Variants in ADGRB3 observed in about 807,000 individuals in gnomAD.
ADGRB3 encodes the protein adhesion G protein-coupled receptor B3.
ADGRB3 carries 37 observed loss-of-function variants against 193.4 expected under a neutral mutation model. The observed-to-expected ratio is 0.19, with a 90% confidence interval of 0.15 to 0.25. ADGRB3 has a LOEUF of 0.25. Among genes scored for constraint, ADGRB3 ranks in the 10% least tolerant of loss-of-function variants. The probability of loss-of-function intolerance (pLI) is 1.00; values close to 1 mark genes in which losing one functional copy is unlikely to be tolerated. For missense variants in ADGRB3, 1,637 were observed against 1,852.9 expected, an observed-to-expected ratio of 0.88 and a Z score of 2.14; for synonymous variants, 690 against 644.2, an observed-to-expected ratio of 1.07 and a Z score of -1.08.
At chr6:68,798,782 A>G (rs1177323320) in intron 3 of ADGRB3, among the ~76,000 whole-genome samples, 2 of 152,234 alleles carry the variant, frequency 1.3e-5, no homozygotes, top group African/African-American at 2.4e-5. Flanking sequence ...GTGACTGCAA[A>G]GGAGTTTTCC....
intron 17 of ADGRB3, among the ~76,000 whole-genome samples, chr6:69,119,566 A>ACTT (rs2150329006): frequency 6.7e-6 from 1 of 148,272 alleles, no homozygotes; most frequent in East Asian, 2.1e-4. Flanking sequence ...TTCAGCAAAG[A>ACTT]CTTTAAGGAA....
rs118175242 is a variant in ADGRB3 at position 68,702,358 on chromosome 6, C to T, written c.757+62926C>T. On this transcript the variant is annotated intron_variant, in intron 3 of 31. Transcript: ENST00000370598. ...AAATCTGTCCCCATGATCCAATTAT[C>T]TCCCACCAGTACCCACTTCCAACAT... Among the ~76,000 whole-genome samples the T allele has an allele frequency of 1.8e-4, 27 of 152,264 alleles. 1 individual carries two copies. In the East Asian group the frequency reaches 5.2e-3, roughly 29 times the overall value.
At chr6:68,884,257 A>T (rs950735726) in intron 3 of ADGRB3, among the ~76,000 whole-genome samples, 3 of 152,172 alleles carry the variant, frequency 2.0e-5, no homozygotes, top group African/African-American at 7.2e-5. Context: ...AGGCACGGGG[A>T]TGTGTCAGGA....
chr6:68,806,379 C>A (rs1289478733), intron 3 of ADGRB3, among the ~76,000 whole-genome samples: 1 of 151,824 alleles, frequency 6.6e-6, no homozygotes. Context: ...ATTTTAAATT[C>A]TTTTTAATGG....
intron 3 of ADGRB3, among the ~76,000 whole-genome samples, chr6:68,771,300 T>C (rs1004776380): frequency 1.3e-5 from 2 of 151,754 alleles, no homozygotes; most frequent in Admixed American, 6.6e-5. Flanking sequence ...GAAGACCCAA[T>C]GTGTGCACAT....
intron 20 of ADGRB3, among the ~76,000 whole-genome samples, chr6:69,274,021 G>C (rs1471698379): frequency 6.6e-6 from 1 of 152,136 alleles, no homozygotes; most frequent in African/African-American, 2.4e-5. Context: ...GATGTCTTCA[G>C]GAGGTAGGGG....
intron 17 of ADGRB3, among the ~76,000 whole-genome samples, chr6:69,194,726 A>C (rs183226957): frequency 6.6e-6 from 1 of 152,108 alleles, no homozygotes; most frequent in Non-Finnish European, 1.5e-5. Context: ...ATTAGAGCCT[A>C]TAGAGCTTAA....
intron 20 of ADGRB3, among the ~76,000 whole-genome samples, chr6:69,317,745 G>T (rs561300349): frequency 2.4e-4 from 37 of 151,578 alleles, no homozygotes; most frequent in African/African-American, 8.4e-4. Flanking sequence ...AACACCTTGA[G>T]TTCATGGTGT....
chr6:69,298,087 G>T (rs900803217), intron 20 of ADGRB3, among the ~76,000 whole-genome samples: 1 of 152,036 alleles, frequency 6.6e-6, no homozygotes, highest in Non-Finnish European at 1.5e-5. Flanking sequence ...AAGAAAAATT[G>T]CATGGAACAC....
In ADGRB3 at chr6:69,044,836, C is replaced by G. The variant is rs189607424; in HGVS notation, c.2108-3349C>G. Among the ~76,000 whole-genome samples, 17 of 151,768 alleles carry G rather than the reference C, an allele frequency of 1.1e-4. 1 individual carries two copies. In the East Asian group the frequency reaches 2.5e-3, roughly 23 times the overall value. On this transcript the variant is annotated intron_variant, in intron 13 of 31. Transcript: ENST00000370598. ...CGTATTTGTTCAGGGACACTGAGTC[C>G]TTTGAGATTTATTTTAAGTACTTTA...
At chr6:69,315,079 A>G (rs377058997) in intron 20 of ADGRB3, among the ~76,000 whole-genome samples, 2 of 151,574 alleles carry the variant, frequency 1.3e-5, no homozygotes, top group Admixed American at 6.6e-5. Context: ...TTTATTTATT[A>G]TAACATCTAT....
chr6:68,735,423 T>C (rs1765852449), intron 3 of ADGRB3, among the ~76,000 whole-genome samples: 1 of 151,988 alleles, frequency 6.6e-6, no homozygotes, highest in Non-Finnish European at 1.5e-5. Flanking sequence ...TGTGTAAATA[T>C]ATATGATAGA....
intron 3 of ADGRB3, among the ~76,000 whole-genome samples, chr6:68,749,054 A>G (rs1397978940): frequency 1.3e-5 from 2 of 152,108 alleles, no homozygotes; most frequent in African/African-American, 4.8e-5. Context: ...GGCTACACAC[A>G]GCACAGGGAC....
intron 3 of ADGRB3, among the ~76,000 whole-genome samples, chr6:68,733,374 G>A (rs1276772297): frequency 1.3e-5 from 2 of 151,342 alleles, no homozygotes; most frequent in African/African-American, 4.8e-5. Context: ...ATTATCCTAA[G>A]TAAAATAATT....
At chr6:69,069,245 C>T (rs1285547864) in intron 16 of ADGRB3, among the ~76,000 whole-genome samples, 2 of 151,938 alleles carry the variant, frequency 1.3e-5, no homozygotes, top group African/African-American at 2.4e-5. Flanking sequence ...TGTATTTTTT[C>T]ACTGCCTCAT....
chr6:68,740,203 A>G (rs2127340049), intron 3 of ADGRB3, among the ~76,000 whole-genome samples: 1 of 152,282 alleles, frequency 6.6e-6, no homozygotes, highest in South Asian at 2.1e-4. Context: ...CTGTGCTACT[A>G]AAAATTGCAT....
At chr6:68,929,138 C>T (rs571627043) in intron 3 of ADGRB3, among the ~76,000 whole-genome samples, 1 of 152,200 alleles carries the variant, frequency 6.6e-6, no homozygotes, top group Admixed American at 6.5e-5. Context: ...AGGTCAAACC[C>T]ACTGACATTT....
chr6:69,095,799 G>A (rs71557607), intron 17 of ADGRB3, among the ~76,000 whole-genome samples: 15,071 of 151,974 alleles, frequency 0.099, 936 homozygotes, highest in Middle Eastern at 0.16. Context: ...ATACACACAC[G>A]CACATGCACG....
At chr6:69,374,360 C>G (rs969774556) in intron 30 of ADGRB3, among the ~76,000 whole-genome samples, 2 of 152,060 alleles carry the variant, frequency 1.3e-5, no homozygotes, top group Non-Finnish European at 2.9e-5. Flanking sequence ...AGTTGTCCCC[C>G]TCTTAATTCA....
Sources: allele counts gnomAD v4.1 joint callset (sites outside exome capture counted in the v4.1 genomes callset), GRCh38; gene constraint gnomAD v4.1.1; transcripts MANE v1.5; gene names NCBI Gene and HGNC (gene_info 2026-07-23, HGNC 2026-07-21).